Variants in USP53 observed in about 807,000 individuals in gnomAD.
The protein encoded by USP53 is ubiquitin carboxyl-terminal hydrolase 53.
In USP53, 71 loss-of-function variants were observed where a neutral mutation model predicts 94.9. The observed-to-expected ratio is 0.75, with a 90% confidence interval of 0.62 to 0.91. The LOEUF (loss-of-function observed/expected upper bound fraction) is 0.91. Ranked by LOEUF, USP53 falls within the 40% of genes least tolerant of loss-of-function variation. The pLI is 0.00. For missense variants in USP53, 1,173 were observed against 1,281.0 expected (o/e 0.92, Z 1.29); for synonymous variants, 375 against 422.7 (o/e 0.89, Z 1.39).
intron 5 of USP53, among the ~76,000 whole-genome samples, chr4:119,240,387 G>C (rs928404147): frequency 6.6e-6 from 1 of 152,006 alleles, no homozygotes; most frequent in Non-Finnish European, 1.5e-5. Context: ...CCACTGTTTT[G>C]GTTAAATTGA....
chr4:119,231,311 C>G (rs1335781034), intron 3 of USP53, among the ~76,000 whole-genome samples: 2 of 152,130 alleles, frequency 1.3e-5, no homozygotes, highest in Admixed American at 1.3e-4. Context: ...CCTAATATAT[C>G]TCAATAAAAA....
chr4:119,213,452 A>G (rs1300884343), intron 1 of USP53, among the ~76,000 whole-genome samples: 1 of 151,766 alleles, frequency 6.6e-6, no homozygotes, highest in African/African-American at 2.4e-5. Context: ...TTACCAAACT[A>G]TTTTTAAACA....
intron 17 of USP53, among the ~76,000 whole-genome samples, chr4:119,287,363 G>T (rs992695990): frequency 2.0e-5 from 3 of 151,972 alleles, no homozygotes; most frequent in Admixed American, 1.3e-4. Context: ...GGCATAGAGG[G>T]TATTAAATTC....
chr4:119,248,842 G>A lies in USP53; in HGVS notation c.332G>A (p.Arg111Gln), dbSNP rs1748592980. The A allele has an allele frequency of 6.8e-6, 11 of 1,614,112 alleles. No individual in the cohort carries two copies. Among genetic ancestry groups the A allele is most frequent in the Middle Eastern group, 3.3e-4 (2 of 6,042 alleles). Residue 111 changes from arginine (R) to glutamine (Q), a missense_variant, in exon 7 of 19, where the codon CGA becomes CAA. Transcript: ENST00000692078. ...GCAGAAAGTTTCAAAGATGAGCAGC[G>A]ATTTCAACTTGGCCTTATGGATGAT... is the stretch of plus-strand genomic sequence containing the variant. ...ALAESFKDEQ[R>Q]FQLGLMDDAA...
Position 119,227,256 on chromosome 4 carries a change from T to TATACACACACAC in USP53, c.-664-8033_-664-8032insTACACACACACA, listed in dbSNP as rs1376598406. Among the ~76,000 whole-genome samples, 88 of 125,118 alleles carry TATACACACACAC rather than the reference T, an allele frequency of 7.0e-4. 1 individual carries two copies. Among genetic ancestry groups the TATACACACACAC allele is most frequent in the South Asian group, 1.0e-3 (4 of 3,820 alleles). The allele number at this position is 125,118 out of a possible 152,430, so 82.1% of individuals were successfully genotyped here. ...ATTAATCCAAAGCCTTGTCTAACAC[T>TATACACACACAC]ACACACACACACACACACACACACA... On this transcript the variant is annotated intron_variant, in intron 3 of 18. Coordinates refer to ENST00000692078, the MANE Select transcript of USP53 (RefSeq NM_001371395.1).
intron 3 of USP53, among the ~76,000 whole-genome samples, chr4:119,221,952 TCTTTC>T (rs1744588710): frequency 6.6e-6 from 1 of 152,222 alleles, no homozygotes; most frequent in South Asian, 2.1e-4. Context: ...CTTGTGCTTC[TCTTTC>T]CTTCTAGTGC....
At chr4:119,281,203 T>C (rs535651811) in intron 17 of USP53, among the ~76,000 whole-genome samples, 3 of 152,278 alleles carry the variant, frequency 2.0e-5, no homozygotes, top group African/African-American at 4.8e-5. Context: ...AGGGTTCCTA[T>C]TGGGAGTACA....
intron 3 of USP53, among the ~76,000 whole-genome samples, chr4:119,229,673 G>A (rs1341019229): frequency 1.3e-5 from 2 of 152,016 alleles, no homozygotes; most frequent in African/African-American, 4.8e-5. Context: ...TGCTACCACT[G>A]CCCTTGTGCA....
At chr4:119,253,297 G>T (rs915208228) in intron 7 of USP53, among the ~76,000 whole-genome samples, 9 of 152,144 alleles carry the variant, frequency 5.9e-5, no homozygotes, top group Non-Finnish European at 1.0e-4. Flanking sequence ...TTGTTGATCT[G>T]CCTAATATTG....
At chr4:119,284,144 A>T (rs1033419363) in intron 17 of USP53, among the ~76,000 whole-genome samples, 4 of 151,774 alleles carry the variant, frequency 2.6e-5, no homozygotes, top group Admixed American at 2.6e-4. Context: ...CAGAATAAGG[A>T]TTAAAAAGTG....
rs550238525 is a variant in USP53, at chr4:119,293,980, C to G, written c.*769C>G. 1.9e-4 allele frequency: 29 copies of G among 152,028 alleles called. No individual in the cohort carries two copies. Among genetic ancestry groups the G allele is most frequent in the African/African-American group, 6.7e-4 (28 of 41,490 alleles). The allele number at this position is 152,028 out of a possible 1,614,324, so 9.4% of individuals were successfully genotyped here. A position where few individuals can be genotyped will look rare whatever the true frequency, so the allele number is the denominator to read the frequency against. On this transcript the variant is annotated 3_prime_UTR_variant, in exon 19 of 19. Coordinates refer to ENST00000692078, the MANE Select transcript of USP53 (RefSeq NM_001371395.1). ...TAGTTAAGATAAATTAGGCCTTTGA[C>G]TATTATAGGTATTCATAAATGCTAC...
intron 6 of USP53, among the ~76,000 whole-genome samples, chr4:119,247,442 C>A (rs1303980865): frequency 6.6e-6 from 1 of 152,166 alleles, no homozygotes; most frequent in Non-Finnish European, 1.5e-5. Context: ...TTAGTGAGGC[C>A]TTCCCCGACT....
chr4:119,273,446 G>T, intron 16 of USP53, 186 bp from the exon 17 acceptor site: 2 of 443,014 alleles, frequency 4.5e-6, no homozygotes, highest in South Asian at 6.0e-5. Flanking sequence ...AAATTAATTT[G>T]ACTTTTACAG....
At chr4:119,236,528 AACTGGGGTGGAACCCTGGC>A (rs1291659231) in intron 4 of USP53, among the ~76,000 whole-genome samples, 3 of 152,348 alleles carry the variant, frequency 2.0e-5, no homozygotes, top group Non-Finnish European at 4.4e-5. Context: ...CTTCTTTCAG[AACTGGGGTGGAACCCTGGC>A]ACTGCAGTAA....
chr4:119,235,618 G>A (rs1172263780), intron 4 of USP53, among the ~76,000 whole-genome samples: 2 of 152,002 alleles, frequency 1.3e-5, no homozygotes, highest in Admixed American at 1.3e-4. Context: ...AAAAGGGCTT[G>A]TGAGATCCCA....
At position 119,271,787 on chromosome 4, in the gene USP53, G is replaced by T; in HGVS notation, c.1927G>T (p.Glu643Ter). 6.2e-7 allele frequency: 1 copy of T among 1,612,966 alleles called. No individual in the cohort carries two copies. The highest frequency in any genetic ancestry group is 8.5e-7 in the Non-Finnish European group (1 of 1,179,796). Residue 643 changes from glutamate (E) to a stop codon, truncating the protein, a stop_gained, in exon 16 of 19, where the codon GAA (glutamate) becomes TAA (stop). Coordinates refer to ENST00000692078, the MANE Select transcript of USP53 (RefSeq NM_001371395.1). LOFTEE classifies it high-confidence loss of function. ...GCAAAAAGGTTTAATGACCATATAT[G>T]AAGATGAAATGAAGCAGGAAATAGG... ...PKQKGLMTIY[E>*]DEMKQEIGSR...
intron 15 of USP53, 184 bp from the exon 16 acceptor site, chr4:119,271,112 C>A: frequency 3.1e-6 from 2 of 639,290 alleles, no homozygotes; most frequent in Non-Finnish European, 3.9e-6. Flanking sequence ...TACAAATACC[C>A]CTCATTAAGC....
chr4:119,215,359 C>A (rs2149249934), intron 2 of USP53, among the ~76,000 whole-genome samples: 1 of 152,144 alleles, frequency 6.6e-6, no homozygotes, highest in African/African-American at 2.4e-5. Context: ...AGTAAAAATC[C>A]TCAAAGGTTA....
chr4:119,261,677 T>G, intron 11 of USP53, 38 bp from the exon 12 acceptor site: 1 of 1,465,150 alleles, frequency 6.8e-7, no homozygotes, highest in Non-Finnish European at 9.3e-7. Flanking sequence ...TTACAAAAGA[T>G]GTAGTGTTAA....
Sources: gnomAD v4.1 joint callset for allele counts (sites outside exome capture counted in the v4.1 genomes callset) on GRCh38, gnomAD v4.1.1 for gene constraint, MANE v1.5 for transcripts, NCBI Gene and HGNC (gene_info 2026-07-23, HGNC 2026-07-21) for gene names.